The following AXDND1 variants were observed in gnomAD, a reference collection of about 807,000 sequenced individuals.
The protein encoded by AXDND1 is axonemal dynein light chain domain containing 1.
AXDND1 carries 110 observed loss-of-function variants against 137.5 expected under a neutral mutation model. The observed-to-expected ratio is 0.80, with a 90% CI of 0.69 to 0.94. The LOEUF is 0.94. AXDND1 is among the 40% of genes least tolerant of loss of function. The pLI is 0.00. For missense variants in AXDND1, 1,191 were observed against 1,169.8 expected (o/e 1.02, Z -0.26); for synonymous variants, 414 against 399.7 (o/e 1.04, Z -0.43).
At chr1:179,411,376 A>G in intron 12 of AXDND1, 110 bp downstream of exon 12, 1 of 1,412,924 alleles carries the variant, frequency 7.1e-7, no homozygotes. Flanking sequence ...AGTCTTACTC[A>G]CTCTGTTGCT....
intron 17 of AXDND1, among the ~76,000 whole-genome samples, chr1:179,474,691 A>G (rs1300211235): frequency 2.0e-5 from 3 of 152,212 alleles, no homozygotes; most frequent in African/African-American, 7.2e-5. Flanking sequence ...GAAGCAGAGC[A>G]TAAAAGTTTG....
chr1:179,437,713 A>G (rs1658373073), intron 15 of AXDND1, among the ~76,000 whole-genome samples: 1 of 152,234 alleles, frequency 6.6e-6, no homozygotes, highest in South Asian at 2.1e-4. Flanking sequence ...AGAACTACAT[A>G]TAAGATGTTA....
intron 18 of AXDND1, 73 bp downstream of exon 18, chr1:179,483,294 T>C (rs1665649880): frequency 7.2e-6 from 7 of 970,810 alleles, no homozygotes; most frequent in South Asian, 1.8e-5. Flanking sequence ...AAAATAATGC[T>C]CTCCCTATTT....
intron 15 of AXDND1, among the ~76,000 whole-genome samples, chr1:179,443,066 G>C (rs968613105): frequency 6.6e-5 from 10 of 152,146 alleles, no homozygotes; most frequent in African/African-American, 2.4e-4. Flanking sequence ...TGCATCCTTT[G>C]AACAATAGGT....
chr1:179,509,776 G>A (rs1015811494), intron 21 of AXDND1, among the ~76,000 whole-genome samples: 2 of 152,040 alleles, frequency 1.3e-5, no homozygotes, highest in African/African-American at 4.8e-5. Flanking sequence ...TTAATCCCAT[G>A]TCCAATGTCT....
chr1:179,459,599 CTT>C (rs1445071685), intron 16 of AXDND1, among the ~76,000 whole-genome samples: 1 of 151,744 alleles, frequency 6.6e-6, no homozygotes, highest in Non-Finnish European at 1.5e-5. Flanking sequence ...TTTCTTTTTC[CTT>C]GAAGAAATGT....
intron 11 of AXDND1, among the ~76,000 whole-genome samples, chr1:179,398,670 A>G (rs12746578): frequency 0.29 from 44,434 of 151,934 alleles, 6,693 homozygotes; most frequent in Non-Finnish European, 0.31. Flanking sequence ...GCTCTGGCAG[A>G]TGCAGGTCTA....
At chr1:179,393,654 G>A (rs1650550517) in intron 9 of AXDND1, among the ~76,000 whole-genome samples, 1 of 152,004 alleles carries the variant, frequency 6.6e-6, no homozygotes, top group South Asian at 2.1e-4. Context: ...TTTCAATAGT[G>A]TTTTGTAGTT....
chr1:179,490,625 T>G (rs950000728), intron 18 of AXDND1, among the ~76,000 whole-genome samples: 3 of 152,194 alleles, frequency 2.0e-5, no homozygotes, highest in Non-Finnish European at 2.9e-5. Flanking sequence ...AACCTTTTAT[T>G]TTATTCTCAT....
intron 11 of AXDND1, among the ~76,000 whole-genome samples, chr1:179,408,141 T>TAACA: frequency 6.6e-6 from 1 of 152,176 alleles, no homozygotes; most frequent in Non-Finnish European, 1.5e-5. Context: ...CTGTCTCTGT[T>TAACA]GAGTTTCTCA....
chr1:179,394,636 T>G lies in AXDND1; in HGVS notation c.1005-462T>G. Among the ~76,000 whole-genome samples the G allele has an allele frequency of 1.7e-5, 2 of 117,348 alleles. 1 individual carries two copies. The highest frequency in any genetic ancestry group is 3.9e-5 in the Non-Finnish European group (2 of 51,760). 77.0% of individuals were successfully genotyped at this position (117,348 alleles called of 152,430 possible). A position where few individuals can be genotyped will look rare whatever the true frequency, so the allele number is the denominator to read the frequency against. On this transcript the variant is annotated intron_variant, in intron 10 of 25. Transcript: ENST00000367618. ...ATACAGATGTTTACCTTAATCAGGT[T>G]TATAGAACAGTGCCATAATTATGGA...
At chr1:179,472,753 C>T (rs549155659) in intron 17 of AXDND1, among the ~76,000 whole-genome samples, 1 of 152,074 alleles carries the variant, frequency 6.6e-6, no homozygotes, top group South Asian at 2.1e-4. Context: ...AATATCCTTC[C>T]TTATTTTTAG....
intron 11 of AXDND1, among the ~76,000 whole-genome samples, chr1:179,401,140 C>T (rs931423662): frequency 1.2e-4 from 18 of 151,238 alleles, no homozygotes; most frequent in East Asian, 7.8e-4. Flanking sequence ...TGCCTGTAAT[C>T]CCAGCTACTT....
At chr1:179,472,716 G>A (rs1041686281) in intron 17 of AXDND1, among the ~76,000 whole-genome samples, 6 of 152,016 alleles carry the variant, frequency 3.9e-5, no homozygotes, top group African/African-American at 1.4e-4. Context: ...ATATCTTCCT[G>A]ATGGAGTGAT....
chr1:179,441,101 A>T (rs1000216669), intron 15 of AXDND1, among the ~76,000 whole-genome samples: 38 of 152,146 alleles, frequency 2.5e-4, no homozygotes, highest in African/African-American at 8.9e-4. Flanking sequence ...TGGACTAGGA[A>T]TACTCTTACT....
intron 11 of AXDND1, among the ~76,000 whole-genome samples, chr1:179,398,595 TG>T (rs1651439079): frequency 6.6e-6 from 1 of 152,010 alleles, no homozygotes; most frequent in Non-Finnish European, 1.5e-5. Context: ...GGAAGAGGGT[TG>T]GGGGGCCCCT....
At chr1:179,418,828 C>T (rs1350318721) in intron 12 of AXDND1, among the ~76,000 whole-genome samples, 3 of 151,438 alleles carry the variant, frequency 2.0e-5, no homozygotes, top group Admixed American at 6.6e-5. Flanking sequence ...GACGGGGCGG[C>T]TGCCGGGCGG....
chr1:179,552,575 A>G (rs987828470), intron 25 of AXDND1: 3 of 1,592,008 alleles, frequency 1.9e-6, no homozygotes, highest in Non-Finnish European at 2.6e-6. Context: ...CCTAAAGGGC[A>G]GTCTGGGTGG....
intron 18 of AXDND1, among the ~76,000 whole-genome samples, chr1:179,484,377 A>G (rs1218352805): frequency 6.6e-6 from 1 of 152,152 alleles, no homozygotes; most frequent in Non-Finnish European, 1.5e-5. Flanking sequence ...TAGGGGAACT[A>G]TCAGACCTGA....
Sources: allele counts gnomAD v4.1 joint callset (sites outside exome capture counted in the v4.1 genomes callset), GRCh38; gene constraint gnomAD v4.1.1; transcripts MANE v1.5; gene names NCBI Gene and HGNC (gene_info 2026-07-23, HGNC 2026-07-21).